The following CGNL1 variants were observed in gnomAD, a reference collection of about 807,000 sequenced individuals.
CGNL1 encodes the protein cingulin-like protein 1.
CGNL1 carries 132 observed loss-of-function variants against 141.2 expected under a neutral mutation model. The ratio of observed to expected loss-of-function variants is 0.93; its 90% CI spans 0.81 to 1.08. The LOEUF is 1.08. Among genes scored for constraint, CGNL1 ranks in the 50% least tolerant of loss-of-function variants. CGNL1 has a pLI of 0.00. For synonymous variants in CGNL1, 690 were observed against 622.1 expected (o/e 1.11, Z -1.63); for missense variants, 1,870 against 1,588.6 (o/e 1.18, Z -3.01).
intron 1 of CGNL1, chr15:57,402,024 A>G (rs1308706764): frequency 6.6e-6 from 1 of 152,190 alleles, no homozygotes; most frequent in South Asian, 2.1e-4. Context: ...TCCAGCAGCC[A>G]TCTTGGATTG....
At chr15:57,481,965 A>G (rs548505832) in intron 8 of CGNL1, among the ~76,000 whole-genome samples, 4 of 152,310 alleles carry the variant, frequency 2.6e-5, no homozygotes, top group South Asian at 4.1e-4. Context: ...TCTGATAGGT[A>G]TATGTGATAT....
At chr15:57,526,811 G>A (rs1222325372) in intron 12 of CGNL1, among the ~76,000 whole-genome samples, 2 of 152,128 alleles carry the variant, frequency 1.3e-5, no homozygotes, top group South Asian at 2.1e-4. Flanking sequence ...CTTACCGGGT[G>A]TTAGGAGGGA....
intron 14 of CGNL1, among the ~76,000 whole-genome samples, chr15:57,533,168 C>A (rs2032051197): frequency 6.6e-6 from 1 of 152,180 alleles, no homozygotes; most frequent in Non-Finnish European, 1.5e-5. Flanking sequence ...AAGAAAGTTG[C>A]AACCCAGCTG....
intron 8 of CGNL1, among the ~76,000 whole-genome samples, chr15:57,492,528 A>G (rs2063880315): frequency 6.6e-6 from 1 of 152,228 alleles, no homozygotes; most frequent in African/African-American, 2.4e-5. Flanking sequence ...TTTCTAAAAG[A>G]TCATAGGAAA....
At chr15:57,427,323 T>C (rs2062986683) in intron 1 of CGNL1, among the ~76,000 whole-genome samples, 1 of 152,248 alleles carries the variant, frequency 6.6e-6, no homozygotes, top group Non-Finnish European at 1.5e-5. Flanking sequence ...TCCATGTTTT[T>C]AATAGCCACA....
At chr15:57,453,979 C>T (rs2063350846) in intron 7 of CGNL1, among the ~76,000 whole-genome samples, 161 bp downstream of exon 7, 1 of 152,186 alleles carries the variant, frequency 6.6e-6, no homozygotes, top group African/African-American at 2.4e-5. Flanking sequence ...ATTCTCTCCT[C>T]TCAGCTTGGC....
intron 8 of CGNL1, among the ~76,000 whole-genome samples, chr15:57,487,784 A>T (rs1214951831): frequency 6.6e-6 from 1 of 152,178 alleles, no homozygotes; most frequent in East Asian, 1.9e-4. Flanking sequence ...ATGCTGCCAG[A>T]TAGGCTAAGT....
At chr15:57,487,591 C>G (rs1325938384) in intron 8 of CGNL1, among the ~76,000 whole-genome samples, 2 of 152,116 alleles carry the variant, frequency 1.3e-5, no homozygotes, top group African/African-American at 4.8e-5. Context: ...TCCTTTTGTT[C>G]AGGTTATTTT....
chr15:57,523,676 C>G (rs779900046), intron 11 of CGNL1, 35 bp downstream of exon 11: 3 of 1,609,586 alleles, frequency 1.9e-6, no homozygotes, highest in Non-Finnish European at 2.5e-6. Flanking sequence ...GAAGTAGGGC[C>G]AGATGTCTTT....
At chr15:57,506,252 G>C (rs1321383064) in intron 8 of CGNL1, among the ~76,000 whole-genome samples, 1 of 152,226 alleles carries the variant, frequency 6.6e-6, no homozygotes, top group African/African-American at 2.4e-5. Context: ...TGTCTGGGTG[G>C]AGTCCCTTCC....
At chr15:57,542,048 G>C (rs1216332034) in intron 14 of CGNL1, among the ~76,000 whole-genome samples, 1 of 152,118 alleles carries the variant, frequency 6.6e-6, no homozygotes. Context: ...GACACACCTC[G>C]GTCAGGACAA....
Position 57,440,235 on chromosome 15 carries a change from G to C in CGNL1, c.1603-142G>C, listed in dbSNP as rs867306160. 39 of 637,144 alleles carry C rather than the reference G, an allele frequency of 6.1e-5. No homozygotes were observed. The African/African-American group carries it at 6.4e-4, about 10-fold the overall frequency. The allele number at this position is 637,144 out of a possible 1,614,324, so 39.5% of individuals were successfully genotyped here. ...GGTGAGAAAATTGAGGCGAGGAGAA[G>C]TTAAGTAACTTCCCCAAGATTATGA... On this transcript the variant is annotated intron_variant, in intron 2 of 18. Transcript: ENST00000281282.
chr15:57,468,497 GTTGGGGTTA>G (rs1955206286), intron 8 of CGNL1, among the ~76,000 whole-genome samples: 1 of 151,748 alleles, frequency 6.6e-6, no homozygotes, highest in African/African-American at 2.4e-5. Flanking sequence ...CTCCCAAAAT[GTTGGGGTTA>G]TAGGTGTGAC....
intron 8 of CGNL1, among the ~76,000 whole-genome samples, chr15:57,468,234 C>CTTTTTTTTTTTT (rs57360097): frequency 3.5e-5 from 3 of 85,920 alleles, no homozygotes; most frequent in African/African-American, 1.5e-4. Context: ...TTTTCTTTTT[C>CTTTTTTTTTTTT]TTTTTTTTTT....
rs2030995734 is a variant in CGNL1, at chr15:57,518,387, T to C, written c.2611-6T>C. The C allele has an allele frequency of 6.2e-7, 1 of 1,603,738 alleles. No homozygotes were observed. Among genetic ancestry groups the C allele is most frequent in the Non-Finnish European group, 8.5e-7 (1 of 1,171,234 alleles). On this transcript the variant is annotated splice_region_variant and splice_polypyrimidine_tract_variant and intron_variant, in intron 9 of 18. Coordinates refer to ENST00000281282, the MANE Select transcript of CGNL1 (RefSeq NM_032866.5). ...AAGTGCACACTGACCCAGTGTTTCA[T>C]TGTAGGGAGAAATACGACAGTTAGA...
chr15:57,540,815 C>T (rs959384645), intron 14 of CGNL1, among the ~76,000 whole-genome samples: 1 of 152,232 alleles, frequency 6.6e-6, no homozygotes, highest in Admixed American at 6.5e-5. Flanking sequence ...GCATAAGACA[C>T]ATCATGTCGT....
chr15:57,480,298 A>G (rs1456579514), intron 8 of CGNL1, among the ~76,000 whole-genome samples: 2 of 152,070 alleles, frequency 1.3e-5, no homozygotes, highest in African/African-American at 2.4e-5. Context: ...TGGGTGGATC[A>G]CCTGAGGTCA....
chr15:57,457,659 C>A (rs1456235051), intron 7 of CGNL1, among the ~76,000 whole-genome samples: 1 of 152,198 alleles, frequency 6.6e-6, no homozygotes, highest in Non-Finnish European at 1.5e-5. Flanking sequence ...TGGTGGCAAA[C>A]AAGAGGCGTG....
At chr15:57,468,691 CTT>C (rs1168256726) in intron 8 of CGNL1, among the ~76,000 whole-genome samples, 1 of 151,904 alleles carries the variant, frequency 6.6e-6, no homozygotes, top group African/African-American at 2.4e-5. Context: ...AATGATGTTT[CTT>C]TTATTAGGGA....
Sources: allele counts gnomAD v4.1 joint callset (sites outside exome capture counted in the v4.1 genomes callset), GRCh38; gene constraint gnomAD v4.1.1; transcripts MANE v1.5; gene names NCBI Gene and HGNC (gene_info 2026-07-23, HGNC 2026-07-21).